Variants in GALNT13 observed in about 807,000 individuals in gnomAD.
GALNT13 encodes the protein polypeptide N-acetylgalactosaminyltransferase 13.
GALNT13 carries 28 observed loss-of-function variants against 64.2 expected under a neutral mutation model. The ratio of observed to expected loss-of-function variants is 0.44; its 90% CI spans 0.32 to 0.60. The LOEUF is 0.60. Ranked by LOEUF, GALNT13 falls within the 20% of genes least tolerant of loss-of-function variation. The pLI, the probability that GALNT13 is intolerant of heterozygous loss-of-function variation, is 0.05. For synonymous variants in GALNT13, 214 were observed against 224.6 expected, an observed-to-expected ratio of 0.95 and a Z score of 0.42; for missense variants, 577 against 669.8, an observed-to-expected ratio of 0.86 and a Z score of 1.53.
the GALNT13 span, among the ~76,000 whole-genome samples, chr2:153,779,505 A>G: frequency 6.6e-6 from 1 of 152,212 alleles, no homozygotes; most frequent in Non-Finnish European, 1.5e-5. Context: ...ATTAAGTACA[A>G]TAGAATTAAT....
intron 3 of GALNT13, among the ~76,000 whole-genome samples, chr2:153,987,495 C>T (rs1020518136): frequency 6.6e-6 from 1 of 151,808 alleles, no homozygotes; most frequent in Non-Finnish European, 1.5e-5. Flanking sequence ...TCTCACGCTT[C>T]AATGGGAGAG....
the GALNT13 span, among the ~76,000 whole-genome samples, chr2:153,798,530 CA>C: frequency 6.6e-6 from 1 of 152,160 alleles, no homozygotes; most frequent in African/African-American, 2.4e-5. Flanking sequence ...AATTTAATTA[CA>C]AAATATTTAT....
the GALNT13 span, among the ~76,000 whole-genome samples, chr2:153,262,608 C>G: frequency 1.3e-5 from 2 of 152,144 alleles, no homozygotes. Context: ...CCATGACCAC[C>G]AAGTTGGCTT....
the GALNT13 span, among the ~76,000 whole-genome samples, chr2:153,628,611 T>C: frequency 6.6e-6 from 1 of 152,150 alleles, no homozygotes; most frequent in Non-Finnish European, 1.5e-5. Flanking sequence ...AATCACGTGG[T>C]TTTTGTCTTT....
At chr2:153,200,673 C>T in the GALNT13 span, among the ~76,000 whole-genome samples, 3 of 152,200 alleles carry the variant, frequency 2.0e-5, no homozygotes, top group East Asian at 5.8e-4. Flanking sequence ...ATAGAAAGAA[C>T]AGGTTGTTTG....
At chr2:153,775,359 C>A in the GALNT13 span, among the ~76,000 whole-genome samples, 3 of 151,988 alleles carry the variant, frequency 2.0e-5, no homozygotes, top group African/African-American at 7.2e-5. Context: ...TTTATTAAGT[C>A]AACTTTGAAA....
At chr2:154,418,824 A>G (rs1388866085) in intron 11 of GALNT13, among the ~76,000 whole-genome samples, 2 of 152,206 alleles carry the variant, frequency 1.3e-5, no homozygotes, top group Admixed American at 1.3e-4. Flanking sequence ...ACCTTCCTCA[A>G]AGTTGGAAAC....
At chr2:154,120,459 T>C (rs983116) in intron 3 of GALNT13, among the ~76,000 whole-genome samples, 7,699 of 152,206 alleles carry the variant, frequency 0.051, 262 homozygotes, top group South Asian at 0.11. Context: ...AGTTTTCCTG[T>C]TAGGTTGAAG....
the GALNT13 span, among the ~76,000 whole-genome samples, chr2:153,268,955 A>G: frequency 2.6e-5 from 4 of 152,138 alleles, no homozygotes; most frequent in Non-Finnish European, 4.4e-5. Flanking sequence ...ACATGGAATC[A>G]TTTATTCCTC....
intron 11 of GALNT13, among the ~76,000 whole-genome samples, chr2:154,415,807 T>A (rs1211750152): frequency 6.6e-6 from 1 of 152,216 alleles, no homozygotes; most frequent in African/African-American, 2.4e-5. Flanking sequence ...ATATTCATTT[T>A]AAAGTTTGCA....
the GALNT13 span, among the ~76,000 whole-genome samples, chr2:153,545,317 G>A: frequency 6.6e-6 from 1 of 152,192 alleles, no homozygotes; most frequent in African/African-American, 2.4e-5. Context: ...CAGAAGGAAA[G>A]AGCAAGGAGA....
the GALNT13 span, among the ~76,000 whole-genome samples, chr2:153,514,810 G>A: frequency 6.6e-6 from 1 of 152,156 alleles, no homozygotes; most frequent in Non-Finnish European, 1.5e-5. Flanking sequence ...GGATCCTGCA[G>A]TGCCTAACAG....
the GALNT13 span, among the ~76,000 whole-genome samples, chr2:153,775,330 A>G: frequency 6.6e-6 from 1 of 152,142 alleles, no homozygotes; most frequent in Non-Finnish European, 1.5e-5. Flanking sequence ...CACAAAATAC[A>G]TTATTAAAAA....
chr2:154,293,398 G>A (rs1044239846), intron 8 of GALNT13, among the ~76,000 whole-genome samples: 13 of 152,110 alleles, frequency 8.5e-5, no homozygotes, highest in African/African-American at 3.1e-4. Context: ...TTTAAGACCT[G>A]AATAAAATTC....
the GALNT13 span, among the ~76,000 whole-genome samples, chr2:153,460,339 G>A: frequency 6.6e-6 from 1 of 151,948 alleles, no homozygotes; most frequent in Non-Finnish European, 1.5e-5. Context: ...TTGACATTAT[G>A]TTTTCAGGAT....
At chr2:153,649,249 C>A in the GALNT13 span, among the ~76,000 whole-genome samples, 2 of 152,172 alleles carry the variant, frequency 1.3e-5, no homozygotes, top group African/African-American at 4.8e-5. Flanking sequence ...AGTTTATTTG[C>A]ACAGAGGTGT....
the GALNT13 span, among the ~76,000 whole-genome samples, chr2:153,448,364 T>C: frequency 1.7e-4 from 26 of 152,314 alleles, no homozygotes; most frequent in South Asian, 8.3e-4. Context: ...GTATTTTCTT[T>C]CTATTCCTCT....
chr2:154,116,097 A>G (rs1037083412), intron 3 of GALNT13, among the ~76,000 whole-genome samples: 7 of 152,202 alleles, frequency 4.6e-5, no homozygotes, highest in African/African-American at 9.6e-5. Flanking sequence ...CTCAGGCAGA[A>G]CAGGGTTTAT....
chr2:153,585,124 A>G, the GALNT13 span, among the ~76,000 whole-genome samples: 2 of 152,324 alleles, frequency 1.3e-5, no homozygotes, highest in South Asian at 4.1e-4. Context: ...TTGATTTTTA[A>G]AGAGCTTGAG....
Sources: gnomAD v4.1 joint callset for allele counts (sites outside exome capture counted in the v4.1 genomes callset) on GRCh38, gnomAD v4.1.1 for gene constraint, MANE v1.5 for transcripts, NCBI Gene and HGNC (gene_info 2026-07-23, HGNC 2026-07-21) for gene names.